CHRM2: variants seen among roughly 807,000 people sequenced by gnomAD.
CHRM2 encodes the protein muscarinic acetylcholine receptor M2.
A neutral mutation model predicts 25.0 loss-of-function variants in CHRM2; 8 were observed. The ratio of observed to expected loss-of-function variants is 0.32; its 90% CI spans 0.19 to 0.58. The LOEUF is 0.58. Ranked by LOEUF, CHRM2 falls within the 20% of genes least tolerant of loss-of-function variation. The probability of loss-of-function intolerance (pLI) is 0.88; values close to 1 mark genes in which losing one functional copy is unlikely to be tolerated. For missense variants in CHRM2, 440 were observed against 567.1 expected, an observed-to-expected ratio of 0.78 and a Z score of 2.28; for synonymous variants, 202 against 205.7, an observed-to-expected ratio of 0.98 and a Z score of 0.15.
intron 2 of CHRM2, among the ~76,000 whole-genome samples, chr7:136,917,411 G>C (rs566567237): frequency 2.6e-5 from 4 of 152,100 alleles, no homozygotes; most frequent in Admixed American, 6.6e-5. Flanking sequence ...AACAGTGTGA[G>C]AACATATTAC....
intron 2 of CHRM2, among the ~76,000 whole-genome samples, chr7:136,963,377 T>C (rs1001240469): frequency 6.6e-6 from 1 of 152,146 alleles, no homozygotes; most frequent in Non-Finnish European, 1.5e-5. Flanking sequence ...ATCTCTGCTC[T>C]TGAGGAACTT....
At chr7:137,006,371 A>C (rs1804426566) in intron 3 of CHRM2, among the ~76,000 whole-genome samples, 1 of 152,072 alleles carries the variant, frequency 6.6e-6, no homozygotes, top group Non-Finnish European at 1.5e-5. Flanking sequence ...TTTCCCCCTT[A>C]TGACACTGTT....
At chr7:136,969,060 A>G (rs1257215642) in intron 2 of CHRM2, among the ~76,000 whole-genome samples, 1 of 152,148 alleles carries the variant, frequency 6.6e-6, no homozygotes, top group Non-Finnish European at 1.5e-5. Flanking sequence ...GAATCCTTTA[A>G]GGAAGTAGAG....
At chr7:136,947,215 CT>C (rs969943202) in intron 2 of CHRM2, among the ~76,000 whole-genome samples, 1 of 151,876 alleles carries the variant, frequency 6.6e-6, no homozygotes, top group African/African-American at 2.4e-5. Context: ...GTTTGTTTTT[CT>C]TTTTTTCATT....
chr7:136,879,442 T>A (rs1156982089), intron 2 of CHRM2, among the ~76,000 whole-genome samples: 1 of 152,028 alleles, frequency 6.6e-6, no homozygotes, highest in Non-Finnish European at 1.5e-5. Flanking sequence ...CCTGTTTACA[T>A]GTCCATTGTT....
intron 2 of CHRM2, among the ~76,000 whole-genome samples, chr7:136,883,631 A>G (rs1796350576): frequency 1.3e-5 from 2 of 152,146 alleles, no homozygotes; most frequent in Non-Finnish European, 2.9e-5. Flanking sequence ...TATTCCTTCT[A>G]AGAAAGATAT....
At chr7:136,974,083 CATAAATAAA>C (rs969303948) in intron 2 of CHRM2, among the ~76,000 whole-genome samples, 9 of 151,984 alleles carry the variant, frequency 5.9e-5, no homozygotes, top group Non-Finnish European at 1.2e-4. Flanking sequence ...GAGAAGCAAT[CATAAATAAA>C]ATAAATAAAA....
chr7:137,007,054 A>C (rs1010255537), intron 3 of CHRM2, among the ~76,000 whole-genome samples: 1 of 152,114 alleles, frequency 6.6e-6, no homozygotes, highest in Admixed American at 6.6e-5. Context: ...AATCAAAGAA[A>C]AACCAAAAAT....
At position 136,895,695 on chromosome 7, in the gene CHRM2, C is replaced by G. The variant is rs146977320; in HGVS notation, c.-125+26277C>G. On this transcript the variant is annotated intron_variant, in intron 2 of 3. Transcript: ENST00000680005. ...TAAACTTTCTTGCTACTAAACCCTC[C>G]TCACCCTACTCCTCGCTTCTAAAAT... Among the ~76,000 whole-genome samples the G allele has an allele frequency of 5.1e-3, 778 of 152,322 alleles. 29 individuals carry two copies. Among genetic ancestry groups the G allele is most frequent in the Admixed American group, 0.047 (723 of 15,298 alleles).
At chr7:136,990,928 A>T (rs1408540731) in intron 2 of CHRM2, among the ~76,000 whole-genome samples, 2 of 152,106 alleles carry the variant, frequency 1.3e-5, no homozygotes, top group Admixed American at 1.3e-4. Flanking sequence ...ATAAATGTGT[A>T]GTAGTTATCT....
chr7:136,921,129 C>T (rs1798405045), intron 2 of CHRM2, among the ~76,000 whole-genome samples: 1 of 152,068 alleles, frequency 6.6e-6, no homozygotes, highest in Non-Finnish European at 1.5e-5. Context: ...AAACCTTGCT[C>T]TTCTCACCCC....
chr7:136,922,858 C>T (rs1220978256), intron 2 of CHRM2, among the ~76,000 whole-genome samples: 2 of 152,068 alleles, frequency 1.3e-5, no homozygotes, highest in Non-Finnish European at 2.9e-5. Context: ...TGAGAGAGAT[C>T]ATTTTGGGTT....
chr7:136,929,618 A>G (rs1217741262), intron 2 of CHRM2, among the ~76,000 whole-genome samples: 5 of 152,134 alleles, frequency 3.3e-5, no homozygotes, highest in African/African-American at 1.2e-4. Context: ...AGATGTCACC[A>G]TAAAGTAGAA....
At chr7:136,929,910 G>C (rs1798961381) in intron 2 of CHRM2, among the ~76,000 whole-genome samples, 1 of 151,962 alleles carries the variant, frequency 6.6e-6, no homozygotes, top group African/African-American at 2.4e-5. Context: ...ATAGGAAACA[G>C]TTAAAGAAAC....
At chr7:136,967,817 C>G (rs1055323646) in intron 2 of CHRM2, among the ~76,000 whole-genome samples, 2 of 151,962 alleles carry the variant, frequency 1.3e-5, no homozygotes, top group African/African-American at 4.8e-5. Context: ...CAATTAGGGT[C>G]TGAGTAATCT....
chr7:136,978,306 A>G (rs1203679256), intron 2 of CHRM2, among the ~76,000 whole-genome samples: 1 of 152,224 alleles, frequency 6.6e-6, no homozygotes, highest in Non-Finnish European at 1.5e-5. Flanking sequence ...TACTTGATTC[A>G]TTTAGCATGG....
At chr7:136,963,783 T>C (rs990073284) in intron 2 of CHRM2, among the ~76,000 whole-genome samples, 7 of 151,848 alleles carry the variant, frequency 4.6e-5, no homozygotes, top group East Asian at 1.9e-4. Context: ...ACCTGGGCAA[T>C]TGCATTAATT....
chr7:136,882,741 C>T (rs1796313998), intron 2 of CHRM2, among the ~76,000 whole-genome samples: 1 of 152,158 alleles, frequency 6.6e-6, no homozygotes, highest in South Asian at 2.1e-4. Context: ...AAAATTTCCT[C>T]TAGGCCATGC....
At chr7:136,894,087 C>T (rs1385821247) in intron 2 of CHRM2, among the ~76,000 whole-genome samples, 1 of 152,114 alleles carries the variant, frequency 6.6e-6, no homozygotes, top group African/African-American at 2.4e-5. Context: ...CATCATCAGA[C>T]TATCCTCAGC....
Sources: gnomAD v4.1 joint callset for allele counts (sites outside exome capture counted in the v4.1 genomes callset) on GRCh38, gnomAD v4.1.1 for gene constraint, MANE v1.5 for transcripts, NCBI Gene and HGNC (gene_info 2026-07-23, HGNC 2026-07-21) for gene names.